The following WWOX variants were observed in gnomAD, a reference collection of about 807,000 sequenced individuals.
WWOX encodes WW domain-containing oxidoreductase.
In WWOX, 69 loss-of-function variants were observed where a neutral mutation model predicts 46.2. The ratio of observed to expected loss-of-function variants is 1.49; its 90% CI spans 1.23 to 1.82. WWOX has a LOEUF of 1.82. WWOX is among the 40% of genes most tolerant of loss of function. The pLI is 0.00. For synonymous variants in WWOX, 359 were observed against 202.6 expected (o/e 1.77, Z -6.56); for missense variants, 919 against 542.6 (o/e 1.69, Z -6.89).
Position 79,212,247 on chromosome 16 carries a change from C to G in WWOX, c.*451C>G. The G allele has an allele frequency of 3.0e-6, 4 of 1,334,996 alleles. No individual in the cohort carries two copies. Among genetic ancestry groups the G allele is most frequent in the Non-Finnish European group, 4.0e-6 (4 of 1,009,406 alleles). 82.7% of individuals were successfully genotyped at this position (1,334,996 alleles called of 1,614,324 possible). On this transcript the variant is annotated 3_prime_UTR_variant, in exon 9 of 9. Transcript: ENST00000566780. ...TTCACTGCTCCTTGCTGCATTGATC[C>G]AGGAGATAATTGTTTCATTCATCCT...
chr16:78,640,939 CA>C (rs11378985), intron 8 of WWOX, among the ~76,000 whole-genome samples: 55 of 133,888 alleles, frequency 4.1e-4, no homozygotes, highest in East Asian at 8.8e-4. Flanking sequence ...ATTCTGTCTT[CA>C]AAAAAAAAAA....
chr16:78,968,084 GCA>G (rs1395484403), intron 8 of WWOX, among the ~76,000 whole-genome samples: 2 of 150,850 alleles, frequency 1.3e-5, no homozygotes, highest in African/African-American at 4.9e-5. Flanking sequence ...ATGGCACAGT[GCA>G]TGGTCCGCAT....
intron 8 of WWOX, among the ~76,000 whole-genome samples, chr16:78,508,310 C>CTTT (rs60281450): frequency 0.059 from 6,563 of 111,450 alleles, 493 homozygotes; most frequent in Non-Finnish European, 0.076. Flanking sequence ...TGCGCCCGGC[C>CTTT]TTTTTTTTTT....
intron 8 of WWOX, among the ~76,000 whole-genome samples, chr16:79,072,710 C>A (rs541271293): frequency 1.1e-4 from 16 of 152,220 alleles, no homozygotes; most frequent in Non-Finnish European, 1.9e-4. Context: ...ATCATCAGGG[C>A]CACAACAGCC....
chr16:79,211,749 C>G lies in WWOX; in HGVS notation c.1198C>G (p.Leu400Val), dbSNP rs1250274322. The G allele has an allele frequency of 1.9e-6, 3 of 1,614,214 alleles. No individual in the cohort carries two copies. The highest frequency in any genetic ancestry group is 1.1e-5 in the South Asian group (1 of 91,082). Residue 400 changes from leucine (L) to valine (V), a missense_variant, in exon 9 of 9, where the codon CTC becomes GTC. By Grantham distance (32) the Leu-to-Val change is conservative (BLOSUM62 1). Transcript: ENST00000566780. Reference sequence around the variant, plus strand: ...AGAGACGGCCCGGACCCTGTGGGCGCTCAGCGAGAGGCTGATCCAAGAACG... The same window carrying G: ...AGAGACGGCCCGGACCCTGTGGGCGGTCAGCGAGAGGCTGATCCAAGAACG... ...SEETARTLWA[L>V]SERLIQERLG...
intron 8 of WWOX, among the ~76,000 whole-genome samples, chr16:78,832,545 C>A (rs978581736): frequency 6.6e-6 from 1 of 152,198 alleles, no homozygotes; most frequent in Non-Finnish European, 1.5e-5. Flanking sequence ...TCCACACACC[C>A]TGACTCTCCT....
chr16:79,210,095 A>G (rs918709753), intron 8 of WWOX, among the ~76,000 whole-genome samples: 5 of 152,338 alleles, frequency 3.3e-5, no homozygotes, highest in East Asian at 3.9e-4. Context: ...TCAAGCAGCC[A>G]GTTATTATCA....
chr16:78,422,049 A>G (rs77776606), intron 6 of WWOX, among the ~76,000 whole-genome samples: 2,391 of 152,302 alleles, frequency 0.016, 49 homozygotes, highest in African/African-American at 0.052. Context: ...ATTTACTACT[A>G]GTGTAGTTGG....
chr16:78,547,297 C>G (rs918856127), intron 8 of WWOX, among the ~76,000 whole-genome samples: 2 of 152,016 alleles, frequency 1.3e-5, no homozygotes, highest in African/African-American at 2.4e-5. Flanking sequence ...TAATACAATT[C>G]TACTAGAGGG....
chr16:78,616,239 A>T (rs2046021783), intron 8 of WWOX, among the ~76,000 whole-genome samples: 2 of 151,992 alleles, frequency 1.3e-5, no homozygotes, highest in African/African-American at 2.4e-5. Flanking sequence ...TAATTATATA[A>T]GCAAGTAGGA....
chr16:78,779,860 G>A (rs1269357125), intron 8 of WWOX, among the ~76,000 whole-genome samples: 1 of 152,092 alleles, frequency 6.6e-6, no homozygotes, highest in African/African-American at 2.4e-5. Context: ...TTTGGGACTG[G>A]GTGGATGTAA....
intron 1 of WWOX, among the ~76,000 whole-genome samples, chr16:78,103,391 C>T (rs2031931808): frequency 6.6e-6 from 1 of 152,010 alleles, no homozygotes; most frequent in South Asian, 2.1e-4. Context: ...GCCCCCCGTG[C>T]ATTAGCTATT....
chr16:78,328,418 TGAA>T (rs1265201161), intron 5 of WWOX, among the ~76,000 whole-genome samples: 4 of 152,232 alleles, frequency 2.6e-5, no homozygotes, highest in Non-Finnish European at 5.9e-5. Flanking sequence ...GGATTTTAGA[TGAA>T]GAATCATAGA....
chr16:78,333,192 A>G (rs7188153), intron 5 of WWOX, among the ~76,000 whole-genome samples: 17,404 of 151,200 alleles, frequency 0.12, 1,120 homozygotes, highest in East Asian at 0.13. Flanking sequence ...CTGGGACTAC[A>G]GGAGCATACT....
At chr16:78,380,080 A>G (rs761039331) in intron 5 of WWOX, among the ~76,000 whole-genome samples, 9 of 152,182 alleles carry the variant, frequency 5.9e-5, no homozygotes, top group African/African-American at 4.8e-5. Context: ...TGTGCTACCA[A>G]TGAGTGCCCC....
At chr16:79,130,787 T>G (rs2049861582) in intron 8 of WWOX, among the ~76,000 whole-genome samples, 1 of 152,208 alleles carries the variant, frequency 6.6e-6, no homozygotes, top group Admixed American at 6.5e-5. Context: ...TGTTGGGCTG[T>G]GATCAAGTAC....
chr16:78,537,630 A>T lies in WWOX; in HGVS notation c.1056+104878A>T, dbSNP rs573681400. 5.9e-5 allele frequency among the ~76,000 whole-genome samples: 9 copies of T among 152,192 alleles called. No individual in the cohort carries two copies. The South Asian group carries it at 1.9e-3, about 32-fold the overall frequency. On this transcript the variant is annotated intron_variant, in intron 8 of 8. Coordinates refer to ENST00000566780, the MANE Select transcript of WWOX (RefSeq NM_016373.4). Reference sequence around the variant, plus strand: ...AAGTCATACAGATAGGCTCGAAGAAAGAGCTTGGTTGTGATGTTGTTGTTG... The same window carrying T: ...AAGTCATACAGATAGGCTCGAAGAATGAGCTTGGTTGTGATGTTGTTGTTG...
chr16:78,787,765 C>G (rs1340321303), intron 8 of WWOX, among the ~76,000 whole-genome samples: 1 of 152,142 alleles, frequency 6.6e-6, no homozygotes, highest in Non-Finnish European at 1.5e-5. Flanking sequence ...GGAGGCTGCA[C>G]CATTTTATAT....
chr16:78,392,164 A>T (rs1053272923), intron 6 of WWOX, among the ~76,000 whole-genome samples: 1 of 152,016 alleles, frequency 6.6e-6, no homozygotes, highest in Non-Finnish European at 1.5e-5. Context: ...CAAGCATAGG[A>T]AGCTGCGTCT....
Sources: gnomAD v4.1 joint callset for allele counts (sites outside exome capture counted in the v4.1 genomes callset) on GRCh38, gnomAD v4.1.1 for gene constraint, MANE v1.5 for transcripts, NCBI Gene and HGNC (gene_info 2026-07-23, HGNC 2026-07-21) for gene names.